Variants in TCF20 observed in about 807,000 individuals in gnomAD.
TCF20 encodes the protein SPRE-binding protein.
In TCF20, 3 loss-of-function variants were observed where a neutral mutation model predicts 148.6. The ratio of observed to expected loss-of-function variants is 0.02; its 90% CI spans 0.01 to 0.05. TCF20 has a LOEUF of 0.05. Ranked by LOEUF, TCF20 falls within the 10% of genes least tolerant of loss-of-function variation. The pLI, the probability that TCF20 is intolerant of heterozygous loss-of-function variation, is 1.00. For missense variants in TCF20, 2,350 were observed against 2,429.3 expected (o/e 0.97, Z 0.69); for synonymous variants, 1,049 against 909.5 (o/e 1.15, Z -2.76).
rs1364088885 is a variant in TCF20, at chr22:42,242,222, AAAAAAC to A, written c.-36-26887_-36-26882del. ...CGCCTCAAAAAAAAAAAAAAAAAAA[AAAAAAC>A]AGAAAAGAAAGGGTGACTACAAGGT... is the stretch of plus-strand genomic sequence containing the variant. On this transcript the variant is annotated intron_variant, in intron 1 of 5. Transcript: ENST00000677622. 2.7e-3 allele frequency among the ~76,000 whole-genome samples: 400 copies of A among 150,152 alleles called. 2 individuals carry two copies. Among genetic ancestry groups the A allele is most frequent in the Middle Eastern group, 0.01 (3 of 294 alleles).
At chr22:42,270,720 G>A (rs1364088498), upstream of TCF20, among the ~76,000 whole-genome samples, 3 of 143,584 alleles carry the variant, frequency 2.1e-5, no homozygotes, top group Non-Finnish European at 4.6e-5. Flanking sequence ...GCGGGCGGGA[G>A]GGCGCGCGGC....
At chr22:42,231,908 G>A (rs981112466) in intron 1 of TCF20, among the ~76,000 whole-genome samples, 16 of 124,930 alleles carry the variant, frequency 1.3e-4, no homozygotes, top group Admixed American at 9.1e-4. Flanking sequence ...CAGCCTGGGC[G>A]ACAGAGAGAG....
At chr22:42,172,305 G>A (rs113434757) in intron 3 of TCF20, among the ~76,000 whole-genome samples, 1 of 152,236 alleles carries the variant, frequency 6.6e-6, no homozygotes, top group Non-Finnish European at 1.5e-5. Context: ...TGCTGGGAGG[G>A]AAGAGTGAAG....
upstream of TCF20, among the ~76,000 whole-genome samples, chr22:42,273,360 CAAAAAAAAAA>C (rs35166029): frequency 3.8e-4 from 23 of 61,266 alleles, no homozygotes; most frequent in African/African-American, 1.1e-3. Context: ...AACTCCGTCT[CAAAAAAAAAA>C]AAAAAAAAAA....
chr22:42,316,817 T>G (rs922270250), intron 1 of TCF20, among the ~76,000 whole-genome samples: 1 of 152,332 alleles, frequency 6.6e-6, no homozygotes, highest in Admixed American at 6.5e-5. Context: ...CACCACCTCC[T>G]GGATCACAGT....
At chr22:42,247,525 C>T (rs535790832) in intron 1 of TCF20, among the ~76,000 whole-genome samples, 4 of 151,888 alleles carry the variant, frequency 2.6e-5, no homozygotes, top group East Asian at 1.9e-4. Context: ...CTGGGGACAC[C>T]GAGCTGCAGC....
intron 2 of TCF20, among the ~76,000 whole-genome samples, chr22:42,181,859 A>C (rs570877892): frequency 1.6e-4 from 24 of 151,746 alleles, no homozygotes; most frequent in Admixed American, 1.4e-3. Flanking sequence ...CAATTCTCCC[A>C]TCTCAGCCTC....
intron 2 of TCF20, among the ~76,000 whole-genome samples, chr22:42,196,212 C>A (rs564997391): frequency 3.3e-5 from 5 of 152,186 alleles, no homozygotes; most frequent in Admixed American, 2.6e-4. Context: ...GGATTTGACC[C>A]ATGGGTGCTA....
Position 42,203,466 on chromosome 22 carries a change from G to A in TCF20, c.5655+6185C>T, listed in dbSNP as rs138150329. 5.2e-3 allele frequency among the ~76,000 whole-genome samples: 794 copies of A among 152,168 alleles called. 8 individuals are homozygous for A. Among genetic ancestry groups the A allele is most frequent in the African/African-American group, 0.017 (724 of 41,528 alleles). ...CAATTTGTCATGATTTATTCTGTAA[G>A]GTAATATATGCAATAAAATTCAAAA... On this transcript the variant is annotated intron_variant, in intron 2 of 5. Transcript: ENST00000677622.
At chr22:42,228,052 G>C (rs1203559375) in intron 1 of TCF20, among the ~76,000 whole-genome samples, 11 of 152,212 alleles carry the variant, frequency 7.2e-5, no homozygotes, top group Non-Finnish European at 1.5e-4. Context: ...GGGAAGTTCA[G>C]ATTTTATTAG....
intron 2 of TCF20, among the ~76,000 whole-genome samples, chr22:42,204,904 G>GT (rs1938285289): frequency 6.7e-6 from 1 of 148,728 alleles, no homozygotes; most frequent in Non-Finnish European, 1.5e-5. Flanking sequence ...ATACTGTCAG[G>GT]TAAAAAAAAA....
chr22:42,227,083 G>A lies in TCF20; in HGVS notation c.-36-11742C>T, dbSNP rs892472049. ...AGAACACACGAGGCCAGGAGTTCAA[G>A]ACCAGCCTGGCCATTACAGTGAAAC... On this transcript the variant is annotated intron_variant, in intron 1 of 5. Transcript: ENST00000677622. Among the ~76,000 whole-genome samples the A allele has an allele frequency of 5.9e-5, 9 of 152,308 alleles. No individual in the cohort carries two copies. The East Asian group carries it at 1.7e-3, about 29-fold the overall frequency.
chr22:42,167,880 G>A (rs1935886445), intron 5 of TCF20, among the ~76,000 whole-genome samples: 1 of 150,574 alleles, frequency 6.6e-6, no homozygotes, highest in South Asian at 2.1e-4. Context: ...GTACCACCAC[G>A]CACGGCTAAT....
At position 42,299,112 on chromosome 22, in the gene TCF20, G is replaced by A. The variant is rs1202357613; in HGVS notation, c.-37+44367C>T. 6.6e-6 allele frequency among the ~76,000 whole-genome samples: 1 copy of A among 152,184 alleles called. No homozygotes were observed. Among genetic ancestry groups the A allele is most frequent in the East Asian group, 1.9e-4 (1 of 5,178 alleles). ...GACCCCTGCTGTGGAGGGGAACGGAGACCTGGAGGGGTACCCCCAAAAATC... is the reference window on the plus strand; with the variant it reads ...GACCCCTGCTGTGGAGGGGAACGGAAACCTGGAGGGGTACCCCCAAAAATC... On this transcript the variant is annotated intron_variant, in intron 1 of 1. Coordinates refer to the TCF20 transcript ENST00000515426. This position sits in a 1 kb window ranked among gnomAD's most constrained non-coding sequence, Gnocchi z 4.1.
At chr22:42,337,262 T>C (rs1363594791) in intron 1 of TCF20, among the ~76,000 whole-genome samples, 1 of 151,682 alleles carries the variant, frequency 6.6e-6, no homozygotes, top group Non-Finnish European at 1.5e-5. Context: ...CTCTCCCCCT[T>C]ATCCTCTCCC....
At chr22:42,269,519 C>G (rs1387805383) in intron 1 of TCF20, among the ~76,000 whole-genome samples, 1 of 152,208 alleles carries the variant, frequency 6.6e-6, no homozygotes. Flanking sequence ...GACAGTGCAC[C>G]TCCCGCCGTA....
In TCF20 at chr22:42,214,772, C is replaced by G. The variant is rs1260649878; in HGVS notation, c.534G>C (p.Gln178His). The G allele has an allele frequency of 6.2e-7, 1 of 1,609,986 alleles. No individual in the cohort carries two copies. ...GCTGTTGTCTCAACTGCTGGACTTG[C>G]TGCTGCTGCTGCTGGCTGGAAGCCT... ...QQQASSQQQQ[Q>H]QVQQLRQQLY... The change falls in exon 2 of 6, where the codon CAG (glutamine) becomes CAC (histidine). Residue 178 changes from glutamine to histidine, a missense_variant. Coordinates refer to ENST00000677622, the MANE Select transcript of TCF20 (RefSeq NM_001378418.1).
At chr22:42,319,120 G>A (rs756205419) in intron 1 of TCF20, among the ~76,000 whole-genome samples, 1 of 152,186 alleles carries the variant, frequency 6.6e-6, no homozygotes, top group Admixed American at 6.5e-5. Context: ...TGGTGCTATG[G>A]GGACACTAAG....
chr22:42,256,584 G>A (rs1051482692), intron 1 of TCF20, among the ~76,000 whole-genome samples: 64 of 151,086 alleles, frequency 4.2e-4, no homozygotes, highest in African/African-American at 1.4e-3. Context: ...CCACTTCCAC[G>A]AAGACTTTCA....
Sources: gnomAD v4.1 joint callset for allele counts (sites outside exome capture counted in the v4.1 genomes callset) on GRCh38, gnomAD v4.1.1 for gene constraint, Gnocchi (gnomAD v3.1) non-coding constraint, MANE v1.5 for transcripts, NCBI Gene and HGNC (gene_info 2026-07-23, HGNC 2026-07-21) for gene names.